The following UBE2E2 variants were observed in gnomAD, a reference collection of about 807,000 sequenced individuals.
UBE2E2 encodes the protein ubiquitin-conjugating enzyme E2 E2.
Under a neutral mutation model 24.7 loss-of-function variants are expected in UBE2E2, and 6 were observed. The observed-to-expected ratio is 0.24, with a 90% confidence interval of 0.13 to 0.48. The LOEUF (loss-of-function observed/expected upper bound fraction) is 0.48, where lower values mean the gene tolerates loss of function less well. Among genes scored for constraint, UBE2E2 ranks in the 20% least tolerant of loss-of-function variants. The pLI, the probability that UBE2E2 is intolerant of heterozygous loss-of-function variation, is 0.99. For missense variants in UBE2E2, 169 were observed against 245.0 expected (o/e 0.69, Z 2.07); for synonymous variants, 104 against 83.6 (o/e 1.24, Z -1.33).
chr3:23,496,628 A>T (rs1161312549), intron 3 of UBE2E2, among the ~76,000 whole-genome samples: 1 of 152,196 alleles, frequency 6.6e-6, no homozygotes, highest in Non-Finnish European at 1.5e-5. Context: ...ACTGCTATAT[A>T]GTATTCCTTT....
At chr3:23,538,242 T>A (rs1695311503) in intron 5 of UBE2E2, among the ~76,000 whole-genome samples, 1 of 152,188 alleles carries the variant, frequency 6.6e-6, no homozygotes. Flanking sequence ...TATAGCTAAC[T>A]TCAGACTGTT....
In UBE2E2 at chr3:23,474,780, T is replaced by G. The variant is rs536406356; in HGVS notation, c.228-24828T>G. On this transcript the variant is annotated intron_variant, in intron 3 of 5. Transcript: ENST00000396703. The surrounding 1 kb of genome is among the most constrained non-coding windows in gnomAD (Gnocchi z 4.0). ...GTCACAGCAGAAAAGGTGTCAGTGC[T>G]TCTGTCTGTGGTTTAATCCTCCTTC... is the stretch of plus-strand genomic sequence containing the variant. Among the ~76,000 whole-genome samples the G allele has an allele frequency of 6.6e-6, 1 of 152,092 alleles. No individual in the cohort carries two copies. Among genetic ancestry groups the G allele is most frequent in the African/African-American group, 2.4e-5 (1 of 41,332 alleles).
intron 3 of UBE2E2, among the ~76,000 whole-genome samples, chr3:23,486,479 GC>G (rs1445868586): frequency 1.3e-5 from 2 of 152,210 alleles, no homozygotes; most frequent in African/African-American, 4.8e-5. Context: ...ATGGAGGAAA[GC>G]ATGTTTTCTC....
chr3:23,297,142 T>C lies in UBE2E2; in HGVS notation c.227+79830T>C, dbSNP rs1421705581. 3.3e-5 allele frequency among the ~76,000 whole-genome samples: 5 copies of C among 152,314 alleles called. No individual in the cohort carries two copies. The East Asian group carries it at 9.6e-4, about 29-fold the overall frequency. On this transcript the variant is annotated intron_variant, in intron 3 of 5. Coordinates refer to ENST00000396703, the MANE Select transcript of UBE2E2 (RefSeq NM_152653.4). ...GTGTCTGTTCATATCCTTCACCCAC[T>C]TTTTGATGGGGTTGTTTGTTTTTTT...
In UBE2E2 at chr3:23,398,949, A is replaced by C. The variant is rs1361143715; in HGVS notation, c.228-100659A>C. ...ATAAAAACTGTGTGTGTTGAATTTG[A>C]AATTAGTCGCCCTTTATACGTGGGG... On this transcript the variant is annotated intron_variant, in intron 3 of 5. Transcript: ENST00000396703. 2.6e-5 allele frequency among the ~76,000 whole-genome samples: 4 copies of C among 152,290 alleles called. No homozygotes were observed. The Middle Eastern group carries it at 0.014, about 518-fold the overall frequency.
intron 3 of UBE2E2, among the ~76,000 whole-genome samples, chr3:23,447,632 G>A (rs1047985777): frequency 1.3e-5 from 2 of 152,202 alleles, no homozygotes; most frequent in Non-Finnish European, 2.9e-5. Flanking sequence ...AACTCCAAGT[G>A]TGAAGAAGTT....
intron 3 of UBE2E2, among the ~76,000 whole-genome samples, chr3:23,465,204 AG>A (rs2125428845): frequency 6.6e-6 from 1 of 152,294 alleles, no homozygotes; most frequent in South Asian, 2.1e-4. Flanking sequence ...AGCTTCATTG[AG>A]GGAACTGAAG....
intron 4 of UBE2E2, 117 bp from the exon 5 acceptor site, chr3:23,532,437 C>A: frequency 1.2e-6 from 1 of 843,266 alleles, no homozygotes; most frequent in Non-Finnish European, 1.7e-6. Context: ...GTATGTTAAC[C>A]AATAGCCTGG....
At chr3:23,518,416 T>A (rs1236900699) in intron 4 of UBE2E2, among the ~76,000 whole-genome samples, 2 of 152,216 alleles carry the variant, frequency 1.3e-5, no homozygotes, top group Non-Finnish European at 2.9e-5. Flanking sequence ...ACATATTCCT[T>A]CAGTAAGACT....
At chr3:23,443,341 G>C (rs935259409) in intron 3 of UBE2E2, among the ~76,000 whole-genome samples, 1 of 152,218 alleles carries the variant, frequency 6.6e-6, no homozygotes, top group Admixed American at 6.5e-5. Flanking sequence ...ATCCCAAGAA[G>C]TAGAGTGAGA....
chr3:23,379,375 C>T (rs1696604901), intron 3 of UBE2E2, among the ~76,000 whole-genome samples: 1 of 149,712 alleles, frequency 6.7e-6, no homozygotes, highest in South Asian at 2.2e-4. Flanking sequence ...GGTATATCCC[C>T]CGATGCTATC....
At chr3:23,294,107 G>C (rs576682842) in intron 3 of UBE2E2, among the ~76,000 whole-genome samples, 21 of 152,194 alleles carry the variant, frequency 1.4e-4, no homozygotes, top group Non-Finnish European at 2.8e-4. Flanking sequence ...GAATAAAAAT[G>C]TTAAGAAACT....
chr3:23,577,999 C>G (rs938660885), intron 5 of UBE2E2, among the ~76,000 whole-genome samples: 1 of 142,496 alleles, frequency 7.0e-6, no homozygotes, highest in African/African-American at 2.7e-5. Context: ...CGGTTGAGAC[C>G]TACCTCTCAG....
intron 3 of UBE2E2, among the ~76,000 whole-genome samples, chr3:23,317,559 C>T (rs779227143): frequency 2.5e-4 from 38 of 152,234 alleles, no homozygotes; most frequent in African/African-American, 5.1e-4. Flanking sequence ...CTTACAGTTC[C>T]GCATGGCTGG....
chr3:23,556,114 C>G (rs1054971744), intron 5 of UBE2E2, among the ~76,000 whole-genome samples: 1 of 146,862 alleles, frequency 6.8e-6, no homozygotes, highest in Non-Finnish European at 1.5e-5. Flanking sequence ...CTTTTAACAA[C>G]GTGTTGTATA....
chr3:23,414,726 AT>A (rs1360662098), intron 3 of UBE2E2, among the ~76,000 whole-genome samples: 3 of 152,144 alleles, frequency 2.0e-5, no homozygotes, highest in African/African-American at 7.2e-5. Context: ...TTACAAAGTG[AT>A]TAGGTCATGA....
chr3:23,358,683 A>G (rs1179339661), intron 3 of UBE2E2, among the ~76,000 whole-genome samples: 2 of 152,314 alleles, frequency 1.3e-5, no homozygotes, highest in African/African-American at 2.4e-5. Context: ...TACCTCTTTT[A>G]TTTAAAAAGT....
chr3:23,213,692 T>C (rs1696389707), intron 2 of UBE2E2, among the ~76,000 whole-genome samples: 1 of 152,170 alleles, frequency 6.6e-6, no homozygotes, highest in South Asian at 2.1e-4. Flanking sequence ...GGAAGTCTTC[T>C]TGTTTGACTT....
chr3:23,499,937 A>T (rs765062906), intron 4 of UBE2E2, among the ~76,000 whole-genome samples, 197 bp downstream of exon 4: 1 of 152,076 alleles, frequency 6.6e-6, no homozygotes, highest in Non-Finnish European at 1.5e-5. Flanking sequence ...TACTGATTTC[A>T]TTGTTTTTTT....
Sources: gnomAD v4.1 joint callset for allele counts (sites outside exome capture counted in the v4.1 genomes callset) on GRCh38, gnomAD v4.1.1 for gene constraint, Gnocchi (gnomAD v3.1) non-coding constraint, MANE v1.5 for transcripts, NCBI Gene and HGNC (gene_info 2026-07-23, HGNC 2026-07-21) for gene names.